Variants in NWD2 observed in about 807,000 individuals in gnomAD.
NWD2 encodes the protein NACHT and WD repeat domain containing 2.
Under a neutral mutation model 132.7 loss-of-function variants are expected in NWD2, and 37 were observed. The observed-to-expected ratio is 0.28, with a 90% CI of 0.21 to 0.37. The LOEUF (loss-of-function observed/expected upper bound fraction) is 0.37. Ranked by LOEUF, NWD2 falls within the 10% of genes least tolerant of loss-of-function variation. NWD2 has a pLI of 1.00. For missense variants in NWD2, 1,592 were observed against 2,122.4 expected (o/e 0.75, Z 4.91); for synonymous variants, 705 against 803.0 (o/e 0.88, Z 2.06).
At chr4:37,266,723 A>G (rs1717759400) in intron 1 of NWD2, among the ~76,000 whole-genome samples, 1 of 152,006 alleles carries the variant, frequency 6.6e-6, no homozygotes, top group South Asian at 2.1e-4. Flanking sequence ...AACTTATATC[A>G]TTAATTATAC....
chr4:37,408,547 AC>A (rs1405297580), intron 3 of NWD2, among the ~76,000 whole-genome samples: 1 of 151,922 alleles, frequency 6.6e-6, no homozygotes, highest in Non-Finnish European at 1.5e-5. Flanking sequence ...TGCAGATAAA[AC>A]CCCCATCTCA....
chr4:37,424,724 C>A (rs1385539531), intron 3 of NWD2, among the ~76,000 whole-genome samples: 2 of 152,136 alleles, frequency 1.3e-5, no homozygotes, highest in African/African-American at 4.8e-5. Context: ...TGCCTCACGC[C>A]CAACAAAACA....
At chr4:37,442,489 A>G (rs1159598389) in intron 6 of NWD2, among the ~76,000 whole-genome samples, 4 of 152,214 alleles carry the variant, frequency 2.6e-5, no homozygotes, top group Non-Finnish European at 5.9e-5. Context: ...AACTCTGAGC[A>G]GTCATTTATC....
intron 1 of NWD2, among the ~76,000 whole-genome samples, chr4:37,280,354 A>G (rs565941412): frequency 6.6e-6 from 1 of 152,278 alleles, no homozygotes; most frequent in South Asian, 2.1e-4. Context: ...TCAGGTTACA[A>G]GGTGGGAACC....
At chr4:37,382,035 T>C (rs943543880) in intron 3 of NWD2, among the ~76,000 whole-genome samples, 46 of 152,228 alleles carry the variant, frequency 3.0e-4, no homozygotes, top group African/African-American at 1.0e-3. Flanking sequence ...CCTGGATGCG[T>C]GTCACTGCTC....
At chr4:37,421,278 A>AG (rs1160614155) in intron 3 of NWD2, among the ~76,000 whole-genome samples, 1 of 152,214 alleles carries the variant, frequency 6.6e-6, no homozygotes, top group Non-Finnish European at 1.5e-5. Flanking sequence ...TGCCAGGATT[A>AG]GGGTTGTAAT....
At chr4:37,367,582 A>G (rs10517410) in intron 3 of NWD2, among the ~76,000 whole-genome samples, 10,583 of 152,190 alleles carry the variant, frequency 0.07, 395 homozygotes, top group East Asian at 0.1. Context: ...CTAAGGATAA[A>G]CGGATGATAG....
At position 37,266,770 on chromosome 4, in the gene NWD2, T is replaced by A. The variant is rs118170265; in HGVS notation, c.151+21552T>A. Among the ~76,000 whole-genome samples, 35 of 152,198 alleles carry A rather than the reference T, an allele frequency of 2.3e-4. 1 individual carries two copies. In the East Asian group the frequency reaches 6.2e-3, roughly 27 times the overall value. On this transcript the variant is annotated intron_variant, in intron 1 of 6. Transcript: ENST00000309447. Reference sequence around the variant, plus strand: ...TGTCCTGTTTTTCTTGCTGACATACTGAGTTCTTAAAGCAAGTGATTATGT... The same window carrying A: ...TGTCCTGTTTTTCTTGCTGACATACAGAGTTCTTAAAGCAAGTGATTATGT...
chr4:37,442,492 CATTT>C (rs1183677961), intron 6 of NWD2, among the ~76,000 whole-genome samples: 2 of 152,184 alleles, frequency 1.3e-5, no homozygotes, highest in Non-Finnish European at 2.9e-5. Flanking sequence ...TCTGAGCAGT[CATTT>C]ATCCAGCTTG....
At chr4:37,268,646 A>T (rs1717807491) in intron 1 of NWD2, among the ~76,000 whole-genome samples, 1 of 151,918 alleles carries the variant, frequency 6.6e-6, no homozygotes, top group Non-Finnish European at 1.5e-5. Context: ...ATTCATTGGC[A>T]TTCGTGATGT....
intron 3 of NWD2, among the ~76,000 whole-genome samples, chr4:37,377,179 A>AGAGTAG (rs1413542945): frequency 1.3e-5 from 2 of 152,218 alleles, no homozygotes; most frequent in Non-Finnish European, 2.9e-5. Context: ...GGCAGATGCA[A>AGAGTAG]GAGTAGGGAC....
rs73132361 is a variant in NWD2, at chr4:37,368,341, C to T, written c.357+11859C>T. ...CAAGGTCCAGATCTGCTATATCCAA[C>T]GAACCTAAAGTCTCAAAATGCTTCT... On this transcript the variant is annotated intron_variant, in intron 3 of 6. Coordinates refer to ENST00000309447, the MANE Select transcript of NWD2 (RefSeq NM_001144990.2). Among the ~76,000 whole-genome samples, 1,326 of 152,254 alleles carry T rather than the reference C, an allele frequency of 8.7e-3. 10 individuals are homozygous for T. The highest frequency in any genetic ancestry group is 0.03 in the African/African-American group (1,227 of 41,548).
chr4:37,403,787 T>C (rs1172255540), intron 3 of NWD2, among the ~76,000 whole-genome samples: 1 of 152,202 alleles, frequency 6.6e-6, no homozygotes. Flanking sequence ...GTCTATGGCA[T>C]AAAAGAGATA....
intron 2 of NWD2, among the ~76,000 whole-genome samples, chr4:37,352,282 A>G (rs1430830112): frequency 6.6e-6 from 1 of 152,114 alleles, no homozygotes; most frequent in Non-Finnish European, 1.5e-5. Context: ...GAGGGATATT[A>G]AAGACTCCCG....
At chr4:37,429,312 G>A (rs550396252) in intron 3 of NWD2, among the ~76,000 whole-genome samples, 13 of 151,778 alleles carry the variant, frequency 8.6e-5, no homozygotes, top group African/African-American at 3.1e-4. Flanking sequence ...CAAAATCACT[G>A]GAATCATCTT....
chr4:37,279,537 G>A (rs1718087620), intron 1 of NWD2, among the ~76,000 whole-genome samples: 1 of 152,132 alleles, frequency 6.6e-6, no homozygotes, highest in Non-Finnish European at 1.5e-5. Context: ...GTACTCAAAA[G>A]TAGAAGCATC....
At chr4:37,376,620 C>G (rs1172181102) in intron 3 of NWD2, among the ~76,000 whole-genome samples, 1 of 152,158 alleles carries the variant, frequency 6.6e-6, no homozygotes, top group African/African-American at 2.4e-5. Flanking sequence ...CCTGATCCTA[C>G]AAACCTTAAT....
chr4:37,394,925 G>A (rs982610653), intron 3 of NWD2, among the ~76,000 whole-genome samples: 1 of 142,842 alleles, frequency 7.0e-6, no homozygotes, highest in Admixed American at 7.5e-5. Flanking sequence ...TGATTCCTCT[G>A]CCTCAGCCTC....
intron 2 of NWD2, among the ~76,000 whole-genome samples, chr4:37,335,891 G>A (rs1224468396): frequency 4.0e-5 from 6 of 149,218 alleles, no homozygotes; most frequent in East Asian, 2.0e-4. Flanking sequence ...GTGGTTGATC[G>A]ATTTCAATTT....
Sources: allele counts gnomAD v4.1 joint callset (sites outside exome capture counted in the v4.1 genomes callset), GRCh38; gene constraint gnomAD v4.1.1; transcripts MANE v1.5; gene names NCBI Gene and HGNC (gene_info 2026-07-23, HGNC 2026-07-21).